KIAA1328: variants seen among roughly 807,000 people sequenced by gnomAD.
The protein encoded by KIAA1328 is protein hinderin.
KIAA1328 carries 52 observed loss-of-function variants against 68.1 expected under a neutral mutation model. The ratio of observed to expected loss-of-function variants is 0.76; its 90% CI spans 0.61 to 0.96. The LOEUF (loss-of-function observed/expected upper bound fraction) is 0.96. Ranked by LOEUF, KIAA1328 falls within the 40% of genes least tolerant of loss-of-function variation. KIAA1328 has a pLI of 0.00. For missense variants in KIAA1328, 641 were observed against 677.6 expected (o/e 0.95, Z 0.60); for synonymous variants, 232 against 239.4 (o/e 0.97, Z 0.28).
At chr18:36,831,957 A>AC (rs2046507639) in intron 1 of KIAA1328, among the ~76,000 whole-genome samples, 1 of 152,228 alleles carries the variant, frequency 6.6e-6, no homozygotes. Context: ...ACACAAAAAA[A>AC]TACAAATTAA....
chr18:37,153,537 T>C (rs1221383407), intron 7 of KIAA1328, among the ~76,000 whole-genome samples: 2 of 151,808 alleles, frequency 1.3e-5, no homozygotes, highest in African/African-American at 4.8e-5. Context: ...TATATATACC[T>C]ATATATAGAA....
chr18:36,921,043 G>A (rs1472918800), intron 5 of KIAA1328: 2 of 152,192 alleles, frequency 1.3e-5, no homozygotes, highest in Non-Finnish European at 2.9e-5. Context: ...GGATGATCGA[G>A]TCACCCAATT....
At chr18:37,063,589 G>A in intron 6 of KIAA1328, 1 of 972,754 alleles carries the variant, frequency 1.0e-6, no homozygotes, top group Non-Finnish European at 1.2e-6. Context: ...ATCACGGGGA[G>A]CATCTTAGAA....
chr18:37,044,754 G>A (rs770392503), intron 6 of KIAA1328, among the ~76,000 whole-genome samples: 12 of 149,282 alleles, frequency 8.0e-5, no homozygotes, highest in South Asian at 2.1e-4. Context: ...AGCCGAGATC[G>A]CGCCACTGCA....
At chr18:37,129,557 A>G (rs1181453147) in intron 7 of KIAA1328, among the ~76,000 whole-genome samples, 1 of 152,232 alleles carries the variant, frequency 6.6e-6, no homozygotes, top group Non-Finnish European at 1.5e-5. Flanking sequence ...ATTCTGAGAA[A>G]TTGAAGGAGT....
chr18:37,164,374 AAT>A (rs2059343317), intron 8 of KIAA1328, among the ~76,000 whole-genome samples: 1 of 152,182 alleles, frequency 6.6e-6, no homozygotes, highest in South Asian at 2.1e-4. Flanking sequence ...TTTTAAGCAA[AAT>A]ATATGTTTGT....
chr18:37,018,658 G>T (rs1280118672), intron 6 of KIAA1328, among the ~76,000 whole-genome samples: 4 of 152,070 alleles, frequency 2.6e-5, no homozygotes, highest in Admixed American at 2.0e-4. Flanking sequence ...TGCCAGACTG[G>T]GTTAGTTAGA....
At chr18:36,936,348 T>A (rs2050498627) in intron 5 of KIAA1328, among the ~76,000 whole-genome samples, 1 of 152,146 alleles carries the variant, frequency 6.6e-6, no homozygotes, top group Non-Finnish European at 1.5e-5. Flanking sequence ...ATTGTGCAAC[T>A]CCCACTTATG....
At chr18:36,909,278 C>G (rs1287020787) in intron 5 of KIAA1328, among the ~76,000 whole-genome samples, 1 of 150,146 alleles carries the variant, frequency 6.7e-6, no homozygotes, top group Non-Finnish European at 1.5e-5. Flanking sequence ...GCTATCCCTC[C>G]CGCCTCCCCC....
intron 7 of KIAA1328, among the ~76,000 whole-genome samples, chr18:37,103,613 G>A (rs190130588): frequency 5.9e-5 from 9 of 152,174 alleles, no homozygotes; most frequent in African/African-American, 2.2e-4. Flanking sequence ...TTATGGCTAA[G>A]ACTTTAAAAT....
At chr18:37,115,876 A>C (rs2058091181) in intron 7 of KIAA1328, among the ~76,000 whole-genome samples, 1 of 152,232 alleles carries the variant, frequency 6.6e-6, no homozygotes, top group South Asian at 2.1e-4. Flanking sequence ...AATAACAGAC[A>C]AACAGCCAAA....
rs1395996660 is a variant in KIAA1328 at position 37,224,705 on chromosome 18, C to T, written c.*2478C>T. 3.0e-6 allele frequency: 3 copies of T among 985,284 alleles called. No homozygotes were observed. Among genetic ancestry groups the T allele is most frequent in the Non-Finnish European group, 3.6e-6 (3 of 829,944 alleles). 61.0% of individuals were successfully genotyped at this position (985,284 alleles called of 1,614,324 possible). On this transcript the variant is annotated 3_prime_UTR_variant, in exon 10 of 10. Coordinates refer to ENST00000280020, the MANE Select transcript of KIAA1328 (RefSeq NM_020776.3). ...GGCACAAAGGAATCTGCCTTTCCTC[C>T]GTCTCAAGTCTCCCACCCTTGACTG...
chr18:36,845,308 G>C (rs1415211035), intron 4 of KIAA1328, among the ~76,000 whole-genome samples: 1 of 151,606 alleles, frequency 6.6e-6, no homozygotes, highest in Non-Finnish European at 1.5e-5. Context: ...TTCTTTTATT[G>C]GGAAAACATT....
intron 5 of KIAA1328, among the ~76,000 whole-genome samples, chr18:36,892,635 G>A (rs1379143048): frequency 6.6e-6 from 1 of 152,116 alleles, no homozygotes; most frequent in Non-Finnish European, 1.5e-5. Context: ...TACTACAGAA[G>A]TTGTATTTCT....
intron 6 of KIAA1328, among the ~76,000 whole-genome samples, chr18:36,960,932 C>T (rs865868577): frequency 6.6e-6 from 1 of 152,118 alleles, no homozygotes; most frequent in African/African-American, 2.4e-5. Flanking sequence ...CAACTCCTCG[C>T]CAGCAATGGA....
intron 6 of KIAA1328, among the ~76,000 whole-genome samples, chr18:37,045,661 T>C (rs1405616899): frequency 6.6e-6 from 1 of 152,204 alleles, no homozygotes; most frequent in African/African-American, 2.4e-5. Context: ...GCTCAGCAGG[T>C]ATCAGATTCT....
At chr18:36,975,949 G>T (rs556012644) in intron 6 of KIAA1328, among the ~76,000 whole-genome samples, 1 of 152,080 alleles carries the variant, frequency 6.6e-6, no homozygotes, top group South Asian at 2.1e-4. Flanking sequence ...TGCCATTATA[G>T]AAGTCCTCTG....
chr18:37,154,742 G>C (rs1013778624), intron 7 of KIAA1328, among the ~76,000 whole-genome samples: 25 of 152,040 alleles, frequency 1.6e-4, no homozygotes, highest in Non-Finnish European at 1.5e-5. Flanking sequence ...TTTCTTTACA[G>C]CTTATATTCT....
At chr18:37,090,534 A>G (rs2057237967) in intron 7 of KIAA1328, among the ~76,000 whole-genome samples, 1 of 152,188 alleles carries the variant, frequency 6.6e-6, no homozygotes, top group Admixed American at 6.5e-5. Context: ...GTGGAATCAA[A>G]TAGACATTAA....
Sources: allele counts gnomAD v4.1 joint callset (sites outside exome capture counted in the v4.1 genomes callset), GRCh38; gene constraint gnomAD v4.1.1; transcripts MANE v1.5; gene names NCBI Gene and HGNC (gene_info 2026-07-23, HGNC 2026-07-21).